QRSL1: variants seen among roughly 807,000 people sequenced by gnomAD.
QRSL1 encodes glutamyl-tRNA(Gln) amidotransferase subunit A, mitochondrial.
A neutral mutation model predicts 61.6 loss-of-function variants in QRSL1; 54 were observed. That is an observed-to-expected ratio of 0.88 (90% CI 0.70 to 1.10). The LOEUF (loss-of-function observed/expected upper bound fraction) is 1.10. QRSL1 is among the 50% of genes least tolerant of loss of function. QRSL1 has a pLI of 0.00. For synonymous variants in QRSL1, 228 were observed against 225.7 expected (o/e 1.01, Z -0.09); for missense variants, 505 against 622.6 (o/e 0.81, Z 2.01).
chr6:106,639,653 C>T (rs572387823), intron 1 of QRSL1, among the ~76,000 whole-genome samples: 1 of 152,132 alleles, frequency 6.6e-6, no homozygotes, highest in African/African-American at 2.4e-5. Context: ...TTATTACTTC[C>T]TACAGGAAAT....
intron 1 of QRSL1, among the ~76,000 whole-genome samples, chr6:106,632,133 G>A (rs1370729137): frequency 6.6e-6 from 1 of 152,152 alleles, no homozygotes; most frequent in African/African-American, 2.4e-5. Flanking sequence ...TGTTGCAATT[G>A]ACAAGCTCTC....
At chr6:106,658,342 T>C (rs575646833) in intron 9 of QRSL1, among the ~76,000 whole-genome samples, 1 of 152,288 alleles carries the variant, frequency 6.6e-6, no homozygotes, top group South Asian at 2.1e-4. Flanking sequence ...TTGGTTTATA[T>C]GTAGAACTCT....
In QRSL1 at chr6:106,655,663, C is replaced by A; in HGVS notation, c.1091C>A (p.Thr364Asn). Residue 364 changes from threonine (T) to asparagine (N), a missense_variant, in exon 9 of 11, where the codon ACC becomes AAC. Physicochemically the swap from Thr to Asn is moderately conservative, Grantham distance 65. Transcript: ENST00000369046. ...TCCACTGAAGCCATGTATGCTGCAA[C>A]CAGACGAGAAGGGTTTAATGATGTG... The part of the protein sequence containing the change: ...DVSTEAMYAA[T>N]RREGFNDVVR... 2 of 1,613,432 alleles carry A rather than the reference C, an allele frequency of 1.2e-6. No homozygotes were observed. Among genetic ancestry groups the A allele is most frequent in the Non-Finnish European group, 1.7e-6 (2 of 1,179,714 alleles).
intron 4 of QRSL1, among the ~76,000 whole-genome samples, chr6:106,643,416 A>G (rs1370191708): frequency 6.6e-6 from 1 of 152,204 alleles, no homozygotes. Flanking sequence ...TTTCTGGCTC[A>G]TGACTGTAAT....
rs76644946 is a variant in QRSL1 at position 106,635,943 on chromosome 6, C to T, written c.25-4406C>T. On this transcript the variant is annotated intron_variant, in intron 1 of 10. Transcript: ENST00000369046. ...GTCTGTTAAGTTAATTAAAATGTCT[C>T]CACTTCATTACAGAGAAATAAATGC... is the stretch of plus-strand genomic sequence containing the variant. 3.2e-3 allele frequency among the ~76,000 whole-genome samples: 483 copies of T among 152,102 alleles called. 12 individuals carry two copies. In the East Asian group the frequency reaches 0.045, roughly 14 times the overall value.
chr6:106,659,145 A>G (rs1431758740), intron 9 of QRSL1, among the ~76,000 whole-genome samples: 1 of 151,758 alleles, frequency 6.6e-6, no homozygotes, highest in African/African-American at 2.4e-5. Flanking sequence ...ATTATTTTAT[A>G]TTTTCTTCTA....
chr6:106,642,543 A>G, intron 3 of QRSL1: 1 of 716,970 alleles, frequency 1.4e-6, no homozygotes, highest in Non-Finnish European at 2.6e-6. Context: ...TTTGCCATGT[A>G]CATGTGAACC....
intron 3 of QRSL1, chr6:106,642,651 T>C: frequency 2.6e-6 from 2 of 782,612 alleles, no homozygotes; most frequent in South Asian, 2.7e-5. Context: ...TACACAGTGT[T>C]CCCCAGCATG....
At chr6:106,658,656 T>TA (rs1777308891) in intron 9 of QRSL1, among the ~76,000 whole-genome samples, 1 of 152,234 alleles carries the variant, frequency 6.6e-6, no homozygotes, top group East Asian at 1.9e-4. Context: ...TTGTCATTCT[T>TA]ATGGTCATTC....
Position 106,667,211 on chromosome 6 carries a change from C to A in QRSL1, c.*1209C>A, listed in dbSNP as rs1407841822. 1 of 152,216 alleles carries A rather than the reference C, an allele frequency of 6.6e-6. No homozygotes were observed. The highest frequency in any genetic ancestry group is 1.5e-5 in the Non-Finnish European group (1 of 68,044). The allele number at this position is 152,216 out of a possible 1,614,324, so 9.4% of individuals were successfully genotyped here. A position where few individuals can be genotyped will look rare whatever the true frequency, so the allele number is the denominator to read the frequency against. On this transcript the variant is annotated 3_prime_UTR_variant, in exon 11 of 11. Transcript: ENST00000369046. ...ACATGCAGATAATTTGCTGATGAAGCAGAAGAGGGGATGCGCATGGCAAGA... is the reference window on the plus strand; with the variant it reads ...ACATGCAGATAATTTGCTGATGAAGAAGAAGAGGGGATGCGCATGGCAAGA...
At chr6:106,655,772 C>A in intron 9 of QRSL1, 40 bp downstream of exon 9, 1 of 1,207,616 alleles carries the variant, frequency 8.3e-7, no homozygotes. Flanking sequence ...ATTCTTGAAA[C>A]CTCAAGTAAC....
At position 106,640,390 on chromosome 6, in the gene QRSL1, G is replaced by A. The variant is rs765685596; in HGVS notation, c.66G>A (p.Glu22=). The A allele has an allele frequency of 6.2e-7, 1 of 1,612,856 alleles. No individual in the cohort carries two copies. The highest frequency in any genetic ancestry group is 1.7e-5 in the Admixed American group (1 of 59,914). The part of the protein sequence containing the change: ...ALKQGQITPT[E]LCQKCLSLIK... ...AACAAGGCCAAATTACACCAACAGAGCTCTGTCAAAAATGTCTCTCTCTTA... is the reference window on the plus strand; with the variant it reads ...AACAAGGCCAAATTACACCAACAGAACTCTGTCAAAAATGTCTCTCTCTTA... The change falls in exon 2 of 11, where the codon GAG becomes GAA. Residue 22 remains glutamate (E), a synonymous_variant. Transcript: ENST00000369046.
chr6:106,650,298 T>C (rs1279940472), intron 5 of QRSL1, among the ~76,000 whole-genome samples: 1 of 152,208 alleles, frequency 6.6e-6, no homozygotes, highest in Non-Finnish European at 1.5e-5. Context: ...TAAGAAAATG[T>C]ATCTTTTAAA....
intron 1 of QRSL1, 127 bp from the exon 2 acceptor site, chr6:106,640,222 G>T: frequency 3.8e-6 from 3 of 796,904 alleles, no homozygotes; most frequent in Admixed American, 5.1e-5. Flanking sequence ...AGGTTCTCTT[G>T]ATTTTGAACC....
chr6:106,634,901 AAGG>A (rs1322913214), intron 1 of QRSL1, among the ~76,000 whole-genome samples: 3 of 152,146 alleles, frequency 2.0e-5, no homozygotes, highest in African/African-American at 7.2e-5. Context: ...GAGAAGAATC[AAGG>A]AGGATACTTA....
chr6:106,638,584 G>A (rs866069772), intron 1 of QRSL1, among the ~76,000 whole-genome samples: 2 of 152,152 alleles, frequency 1.3e-5, no homozygotes, highest in East Asian at 1.9e-4. Context: ...GATTACAGGC[G>A]CGAACCACTG....
At chr6:106,635,287 G>A (rs1232110483) in intron 1 of QRSL1, among the ~76,000 whole-genome samples, 2 of 152,164 alleles carry the variant, frequency 1.3e-5, no homozygotes, top group African/African-American at 2.4e-5. Flanking sequence ...TGAGACAGGA[G>A]GAAAACCAGG....
intron 1 of QRSL1, among the ~76,000 whole-genome samples, chr6:106,636,485 T>C (rs1391834386): frequency 6.6e-6 from 1 of 152,024 alleles, no homozygotes; most frequent in Non-Finnish European, 1.5e-5. Context: ...CACGCCCAGC[T>C]AATTTTTGTA....
rs149463253 is a variant in QRSL1 at position 106,667,000 on chromosome 6, A to G, written c.*998A>G. On this transcript the variant is annotated 3_prime_UTR_variant, in exon 11 of 11. Coordinates refer to ENST00000369046, the MANE Select transcript of QRSL1 (RefSeq NM_018292.5). Reference sequence around the variant, plus strand: ...TGCTATTCCGGAGCCCATGCCTAGAAGCCAGAACAACTCCATGTTACACTG... The same window carrying G: ...TGCTATTCCGGAGCCCATGCCTAGAGGCCAGAACAACTCCATGTTACACTG... 43 of 152,352 alleles carry G rather than the reference A, an allele frequency of 2.8e-4. No homozygotes were observed. The highest frequency in any genetic ancestry group is 8.7e-4 in the African/African-American group (36 of 41,582). 9.4% of individuals were successfully genotyped at this position (152,352 alleles called of 1,614,324 possible).
Sources: allele counts gnomAD v4.1 joint callset (sites outside exome capture counted in the v4.1 genomes callset), GRCh38; gene constraint gnomAD v4.1.1; transcripts MANE v1.5; gene names NCBI Gene and HGNC (gene_info 2026-07-23, HGNC 2026-07-21).